SPOCK3: variants seen among roughly 807,000 people sequenced by gnomAD.
The protein encoded by SPOCK3 is SPARC (osteonectin), cwcv and kazal like domains proteoglycan 3.
In SPOCK3, 30 loss-of-function variants were observed where a neutral mutation model predicts 56.6. The observed-to-expected ratio is 0.53, with a 90% CI of 0.40 to 0.72. The LOEUF is 0.72. Ranked by LOEUF, SPOCK3 falls within the 30% of genes least tolerant of loss-of-function variation. SPOCK3 has a pLI of 0.00. For synonymous variants in SPOCK3, 196 were observed against 183.3 expected (o/e 1.07, Z -0.56); for missense variants, 527 against 530.0 (o/e 0.99, Z 0.06).
intron 7 of SPOCK3, among the ~76,000 whole-genome samples, chr4:166,772,816 G>A (rs757099504): frequency 6.6e-6 from 1 of 152,092 alleles, no homozygotes; most frequent in Admixed American, 6.6e-5. Flanking sequence ...TTTTGAGACA[G>A]GGTCTTACTC....
At position 167,109,040 on chromosome 4, in the gene SPOCK3, ACT is replaced by A. The variant is rs1469604534; in HGVS notation, c.190-46505_190-46504del. On this transcript the variant is annotated intron_variant, in intron 2 of 10. Transcript: ENST00000357545. ...TATATAAAAATATATATAAATATAT[ACT>A]TATATAAAAATATATATAAATATTA... Among the ~76,000 whole-genome samples, 21 of 21,864 alleles carry A rather than the reference ACT, an allele frequency of 9.6e-4. 4 individuals are homozygous for A. The highest frequency in any genetic ancestry group is 1.3e-3 in the Non-Finnish European group (18 of 14,074). 14.3% of individuals were successfully genotyped at this position (21,864 alleles called of 152,430 possible).
chr4:167,217,070 A>T, intron 2 of SPOCK3, among the ~76,000 whole-genome samples: 1 of 152,268 alleles, frequency 6.6e-6, no homozygotes, highest in East Asian at 1.9e-4. Context: ...AACAAAAAAC[A>T]ATTTGTTAAA....
chr4:167,128,945 C>G (rs1207039951), intron 2 of SPOCK3, among the ~76,000 whole-genome samples: 10 of 152,122 alleles, frequency 6.6e-5, no homozygotes, highest in Non-Finnish European at 1.5e-5. Context: ...TTTCCAAACC[C>G]TACCAGACTG....
intron 2 of SPOCK3, among the ~76,000 whole-genome samples, chr4:167,213,308 A>C (rs1735053141): frequency 6.6e-6 from 1 of 152,190 alleles, no homozygotes; most frequent in African/African-American, 2.4e-5. Context: ...TGTTACGTGG[A>C]GCCAGAATGC....
chr4:167,214,142 T>C (rs1177430021), intron 2 of SPOCK3, among the ~76,000 whole-genome samples: 1 of 151,936 alleles, frequency 6.6e-6, no homozygotes, highest in African/African-American at 2.4e-5. Context: ...TCTTCCAAGA[T>C]GTAAATTTAG....
chr4:166,863,343 C>G (rs1427412664), intron 6 of SPOCK3, among the ~76,000 whole-genome samples: 3 of 152,002 alleles, frequency 2.0e-5, no homozygotes, highest in Non-Finnish European at 4.4e-5. Context: ...CACCAAAATA[C>G]AAAGACCAAT....
chr4:166,871,218 A>T (rs1278443179), intron 6 of SPOCK3, among the ~76,000 whole-genome samples: 1 of 152,148 alleles, frequency 6.6e-6, no homozygotes, highest in Non-Finnish European at 1.5e-5. Flanking sequence ...AAAAAACAGA[A>T]GTCAATGTAA....
chr4:167,230,708 CAT>C (rs1452886520), intron 2 of SPOCK3, among the ~76,000 whole-genome samples: 1 of 152,030 alleles, frequency 6.6e-6, no homozygotes, highest in African/African-American at 2.4e-5. Context: ...TTTCCTAAGA[CAT>C]AGATATTAAA....
At chr4:166,843,567 A>G (rs1205493290) in intron 6 of SPOCK3, among the ~76,000 whole-genome samples, 1 of 152,188 alleles carries the variant, frequency 6.6e-6, no homozygotes, top group East Asian at 1.9e-4. Flanking sequence ...TTGTAGTTTC[A>G]AGGAAATAAA....
chr4:167,181,144 ACTGACCTTAAACT>A (rs1396718783), intron 2 of SPOCK3, among the ~76,000 whole-genome samples: 2 of 152,040 alleles, frequency 1.3e-5, no homozygotes, highest in African/African-American at 4.8e-5. Flanking sequence ...CTATATCCCT[ACTGACCTTAAACT>A]TAACATTCTC....
chr4:167,144,520 T>G (rs1309218409), intron 2 of SPOCK3, among the ~76,000 whole-genome samples: 1 of 151,990 alleles, frequency 6.6e-6, no homozygotes, highest in Non-Finnish European at 1.5e-5. Context: ...ACCTAGGTTT[T>G]GGGCTTAACA....
At chr4:166,784,271 A>C (rs926860905) in intron 7 of SPOCK3, among the ~76,000 whole-genome samples, 2 of 152,132 alleles carry the variant, frequency 1.3e-5, no homozygotes, top group Non-Finnish European at 2.9e-5. Context: ...TAATGTAACA[A>C]AATAATTTTA....
chr4:166,942,026 T>A (rs1377438325), intron 4 of SPOCK3, among the ~76,000 whole-genome samples: 1 of 152,084 alleles, frequency 6.6e-6, no homozygotes, highest in Non-Finnish European at 1.5e-5. Context: ...TAATTTGTTA[T>A]ACAGAAATAA....
intron 2 of SPOCK3, 110 bp from the exon 3 acceptor site, chr4:167,062,647 C>A: frequency 1.4e-6 from 1 of 736,526 alleles, no homozygotes; most frequent in East Asian, 2.6e-5. Context: ...CAAACCTCTA[C>A]TTCCTGCAAT....
chr4:167,001,440 C>T (rs1477539582), intron 3 of SPOCK3, among the ~76,000 whole-genome samples: 1 of 152,170 alleles, frequency 6.6e-6, no homozygotes, highest in African/African-American at 2.4e-5. Context: ...GAAGTTCAAT[C>T]ATGTTGTACC....
At position 167,153,948 on chromosome 4, in the gene SPOCK3, A is replaced by G. The variant is rs977682424; in HGVS notation, c.189+80037T>C. Among the ~76,000 whole-genome samples, 7 of 151,302 alleles carry G rather than the reference A, an allele frequency of 4.6e-5. No individual in the cohort carries two copies. In the South Asian group the frequency reaches 1.5e-3, roughly 32 times the overall value. ...TCACTGTCAGAGCCTTCCTTTCCAT[A>G]CTCCTCTCTGCTTTCTCTACATACC... On this transcript the variant is annotated intron_variant, in intron 2 of 10. Transcript: ENST00000357545.
intron 3 of SPOCK3, among the ~76,000 whole-genome samples, chr4:167,043,876 A>T (rs1363144349): frequency 6.6e-6 from 1 of 151,974 alleles, no homozygotes; most frequent in Non-Finnish European, 1.5e-5. Flanking sequence ...ATGTTATGAG[A>T]GATCCTAGTC....
At chr4:167,214,534 A>G (rs758429896) in intron 2 of SPOCK3, among the ~76,000 whole-genome samples, 67 of 152,176 alleles carry the variant, frequency 4.4e-4, no homozygotes, top group Middle Eastern at 3.2e-3. Flanking sequence ...TGTCTTCTCA[A>G]TAACAATCAT....
intron 6 of SPOCK3, among the ~76,000 whole-genome samples, chr4:166,868,874 T>C (rs1732156815): frequency 6.6e-6 from 1 of 152,172 alleles, no homozygotes; most frequent in South Asian, 2.1e-4. Context: ...ATTATCTTTT[T>C]TTTCTATGCT....
Sources: gnomAD v4.1 joint callset for allele counts (sites outside exome capture counted in the v4.1 genomes callset) on GRCh38, gnomAD v4.1.1 for gene constraint, MANE v1.5 for transcripts, NCBI Gene and HGNC (gene_info 2026-07-23, HGNC 2026-07-21) for gene names.